The following IARS1 variants were observed in gnomAD, a reference collection of about 807,000 sequenced individuals.
IARS1 encodes the protein isoleucine--tRNA ligase, cytoplasmic.
Under a neutral mutation model 168.2 loss-of-function variants are expected in IARS1, and 124 were observed. That is an observed-to-expected ratio of 0.74 (90% CI 0.64 to 0.86). IARS1 has a LOEUF of 0.86. IARS1 is among the 40% of genes least tolerant of loss of function. The pLI, the probability that IARS1 is intolerant of heterozygous loss-of-function variation, is 0.00. For synonymous variants in IARS1, 532 were observed against 529.4 expected (o/e 1.00, Z -0.07); for missense variants, 1,452 against 1,515.8 (o/e 0.96, Z 0.70).
chr9:92,288,985 G>C (rs1402432998), intron 2 of IARS1, among the ~76,000 whole-genome samples: 1 of 151,996 alleles, frequency 6.6e-6, no homozygotes, highest in Non-Finnish European at 1.5e-5. Flanking sequence ...GAGGTGGGTG[G>C]ATCACTTGAG....
chr9:92,252,468 C>A lies in IARS1; in HGVS notation c.2230-583G>T, dbSNP rs1323100288. On this transcript the variant is annotated intron_variant, in intron 21 of 33. Transcript: ENST00000443024. Reference sequence around the variant, plus strand: ...GTGTTGCAGGCTTTTATTATTAATGCCTTTTAAGACATGACTGGCCAGGCA... The same window carrying A: ...GTGTTGCAGGCTTTTATTATTAATGACTTTTAAGACATGACTGGCCAGGCA... The A allele has an allele frequency of 8.3e-6, 4 of 479,092 alleles. No homozygotes were observed. The East Asian group carries it at 1.8e-4, about 21-fold the overall frequency. 29.7% of individuals were successfully genotyped at this position (479,092 alleles called of 1,614,324 possible).
chr9:92,210,475 C>G lies in IARS1; in HGVS notation c.*332G>C, dbSNP rs893710685. ...GAGGTCTCAAATAAATTTTAAAAGG[C>G]CAGAAAATGATATATATACTATGCC... On this transcript the variant is annotated 3_prime_UTR_variant, in exon 34 of 34. Coordinates refer to ENST00000443024, the MANE Select transcript of IARS1 (RefSeq NM_002161.6). 8 of 174,726 alleles carry G rather than the reference C, an allele frequency of 4.6e-5. No individual in the cohort carries two copies. The highest frequency in any genetic ancestry group is 9.5e-5 in the African/African-American group (4 of 42,204). 10.8% of individuals were successfully genotyped at this position (174,726 alleles called of 1,614,324 possible).
At position 92,240,864 on chromosome 9, in the gene IARS1, C is replaced by A. The variant is rs912007878; in HGVS notation, c.3275G>T (p.Ser1092Ile). 1.2e-6 allele frequency: 2 copies of A among 1,600,812 alleles called. No homozygotes were observed. The highest frequency in any genetic ancestry group is 1.7e-6 in the Non-Finnish European group (2 of 1,167,994). ...ATGGAATTTACTCTTACCTTGTTCA[C>A]TGCCATTTGCACAAATGTTAAGATT... Reference protein sequence around the residue: ...YVNLNICANGSEQGGVLLLEN... With the variant: ...YVNLNICANGIEQGGVLLLEN... Residue 1092 changes from serine to isoleucine, a missense_variant, in exon 30 of 34, where the codon AGT (serine) becomes ATT (isoleucine). Ser to Ile is a moderately radical substitution (Grantham distance 142). Transcript: ENST00000443024.
At chr9:92,235,354 T>C (rs1827323621) in intron 30 of IARS1, among the ~76,000 whole-genome samples, 1 of 152,160 alleles carries the variant, frequency 6.6e-6, no homozygotes, top group South Asian at 2.1e-4. Context: ...TGTAGGATTT[T>C]TGCAAAATGC....
At chr9:92,275,564 A>G (rs990124828) in intron 9 of IARS1, among the ~76,000 whole-genome samples, 2 of 151,840 alleles carry the variant, frequency 1.3e-5, no homozygotes, top group Middle Eastern at 6.8e-3. Context: ...TTAAACAGAA[A>G]GACAGAATAC....
Position 92,242,145 on chromosome 9 carries a change from A to T in IARS1, c.3177+9T>A. 5 of 1,609,328 alleles carry T rather than the reference A, an allele frequency of 3.1e-6. No homozygotes were observed. The highest frequency in any genetic ancestry group is 4.2e-6 in the Non-Finnish European group (5 of 1,176,542). ...CTTTAGTAGTAGTTCAGTGGAACTC[A>T]GGACTCACCTGTGTTTTTTCTTGAA... On this transcript the variant is annotated intron_variant, in intron 29 of 33. Transcript: ENST00000443024.
intron 10 of IARS1, 54 bp from the exon 11 acceptor site, chr9:92,271,709 G>A (rs1401185646): frequency 6.3e-6 from 10 of 1,577,302 alleles, no homozygotes; most frequent in Non-Finnish European, 8.7e-6. Context: ...ATGGGTGTGA[G>A]CATGAGGTAA....
At chr9:92,260,579 T>C (rs965276864) in intron 17 of IARS1, among the ~76,000 whole-genome samples, 1 of 152,082 alleles carries the variant, frequency 6.6e-6, no homozygotes, top group African/African-American at 2.4e-5. Context: ...TGCCTGAACC[T>C]GAGAGGCAGA....
chr9:92,251,988 C>G, intron 21 of IARS1, 103 bp from the exon 22 acceptor site: 1 of 816,474 alleles, frequency 1.2e-6, no homozygotes, highest in Non-Finnish European at 2.0e-6. Flanking sequence ...GAACATGCAG[C>G]ATACAGACAA....
At chr9:92,274,599 A>G (rs1297563551) in intron 9 of IARS1, 78 bp from the exon 10 acceptor site, 77 of 993,892 alleles carry the variant, frequency 7.7e-5, no homozygotes, top group Non-Finnish European at 8.8e-5. Context: ...GTTTTTCCTA[A>G]GAACCTGAAA....
intron 30 of IARS1, chr9:92,240,314 A>T (rs1378232903): frequency 1.8e-5 from 4 of 220,354 alleles, no homozygotes; most frequent in Non-Finnish European, 3.5e-5. Flanking sequence ...CCCAGGCTGG[A>T]GTGCAATGGT....
intron 31 of IARS1, among the ~76,000 whole-genome samples, chr9:92,226,484 G>A (rs1389052579): frequency 6.6e-6 from 1 of 152,180 alleles, no homozygotes; most frequent in Admixed American, 6.5e-5. Context: ...TTCTGAAAAT[G>A]AGCATTCAGA....
rs550830811 is a variant in IARS1 at position 92,248,438 on chromosome 9, C to T, written c.2617-887G>A. On this transcript the variant is annotated intron_variant, in intron 25 of 33. Transcript: ENST00000443024. Reference sequence around the variant, plus strand: ...TTGTAATCTTAGCACTTCGGGAGATCGAGGTGGGAGGATCACTTGAGCTCA... The same window carrying T: ...TTGTAATCTTAGCACTTCGGGAGATTGAGGTGGGAGGATCACTTGAGCTCA... Among the ~76,000 whole-genome samples the T allele has an allele frequency of 3.3e-5, 5 of 151,952 alleles. No individual in the cohort carries two copies. The South Asian group carries it at 8.3e-4, about 25-fold the overall frequency.
intron 30 of IARS1, among the ~76,000 whole-genome samples, chr9:92,231,061 T>C (rs887365709): frequency 6.6e-6 from 1 of 152,254 alleles, no homozygotes; most frequent in African/African-American, 2.4e-5. Context: ...TTATAGGATG[T>C]TCAAAGCAAA....
At chr9:92,241,741 C>T (rs148903007) in intron 29 of IARS1, among the ~76,000 whole-genome samples, 120 of 113,220 alleles carry the variant, frequency 1.1e-3, no homozygotes, top group African/African-American at 5.6e-3. Context: ...AACAGAAATG[C>T]TATTGTAATC....
chr9:92,216,733 T>C (rs1301400418), intron 33 of IARS1, among the ~76,000 whole-genome samples: 1 of 114,472 alleles, frequency 8.7e-6, no homozygotes. Context: ...CTATCCTAAA[T>C]ATATATGCAC....
At position 92,256,183 on chromosome 9, in the gene IARS1, CT is replaced by C. The variant is rs773558436; in HGVS notation, c.2137+496del. On this transcript the variant is annotated intron_variant, in intron 20 of 33. Coordinates refer to ENST00000443024, the MANE Select transcript of IARS1 (RefSeq NM_002161.6). ...CCCCTAAAGACAGAATTCCCCAGGG[CT>C]TTTTTTTTTTTTTTAAGATGGAGTT... 7.8e-3 allele frequency among the ~76,000 whole-genome samples: 1,078 copies of C among 138,034 alleles called. 1 individual carries two copies. Among genetic ancestry groups the C allele is most frequent in the East Asian group, 0.011 (53 of 4,826 alleles). The allele number at this position is 138,034 out of a possible 152,430, so 90.6% of individuals were successfully genotyped here.
At chr9:92,276,803 C>T (rs1294138596) in intron 9 of IARS1, among the ~76,000 whole-genome samples, 1 of 152,232 alleles carries the variant, frequency 6.6e-6, no homozygotes, top group African/African-American at 2.4e-5. Flanking sequence ...CTCTTTGACA[C>T]TATTCTTTCG....
intron 33 of IARS1, among the ~76,000 whole-genome samples, chr9:92,214,389 C>T (rs1203794683): frequency 1.3e-5 from 2 of 152,010 alleles, no homozygotes; most frequent in Non-Finnish European, 2.9e-5. Context: ...AACCCTGTCT[C>T]TACTAAAATT....
Sources: gnomAD v4.1 joint callset for allele counts (sites outside exome capture counted in the v4.1 genomes callset) on GRCh38, gnomAD v4.1.1 for gene constraint, MANE v1.5 for transcripts, NCBI Gene and HGNC (gene_info 2026-07-23, HGNC 2026-07-21) for gene names.